The following MYO18A variants were observed in gnomAD, a reference collection of about 807,000 sequenced individuals.
MYO18A encodes the protein myosin XVIIIA.
A neutral mutation model predicts 235.8 loss-of-function variants in MYO18A; 78 were observed. That is an observed-to-expected ratio of 0.33 (90% CI 0.28 to 0.40). The LOEUF (loss-of-function observed/expected upper bound fraction) is 0.40, where lower values mean the gene tolerates loss of function less well. MYO18A is among the 10% of genes least tolerant of loss of function. The pLI, the probability that MYO18A is intolerant of heterozygous loss-of-function variation, is 1.00. For synonymous variants in MYO18A, 977 were observed against 1,077.8 expected (o/e 0.91, Z 1.83); for missense variants, 2,215 against 2,699.3 (o/e 0.82, Z 3.98).
chr17:29,140,279 T>G lies in MYO18A; in HGVS notation c.1000-18026A>C. The G allele has an allele frequency of 1.9e-4, 210 of 1,124,352 alleles. No individual in the cohort carries two copies. The highest frequency in any genetic ancestry group is 2.5e-4 in the Middle Eastern group (1 of 4,010). 69.6% of individuals were successfully genotyped at this position (1,124,352 alleles called of 1,614,324 possible). A position where few individuals can be genotyped will look rare whatever the true frequency, so the allele number is the denominator to read the frequency against. On this transcript the variant is annotated intron_variant, in intron 2 of 41. Coordinates refer to ENST00000527372, the MANE Select transcript of MYO18A (RefSeq NM_078471.4). The surrounding 1 kb of genome is among the most constrained non-coding windows in gnomAD (Gnocchi z 4.2). ...ACAAAAAGGTCCCTCCTTTCCTAAA[T>G]GAGGAAATAGCATGAGGAGCCTGGG...
rs531004927 is a variant in MYO18A at position 29,120,091 on chromosome 17, C to A, written c.1728+525G>T. On this transcript the variant is annotated intron_variant, in intron 7 of 41. Coordinates refer to ENST00000527372, the MANE Select transcript of MYO18A (RefSeq NM_078471.4). This position sits in a 1 kb window ranked among gnomAD's most constrained non-coding sequence, Gnocchi z 4.2. ...CAAGGTGCTCAATCAGATACCAGAT[C>A]CCTCTAGGATCAAATGGGGGACAGA... is the stretch of plus-strand genomic sequence containing the variant. Among the ~76,000 whole-genome samples the A allele has an allele frequency of 1.3e-5, 2 of 152,138 alleles. No individual in the cohort carries two copies. Among genetic ancestry groups the A allele is most frequent in the South Asian group, 2.1e-4 (1 of 4,828 alleles).
At chr17:29,134,703 A>G (rs2152907615) in intron 2 of MYO18A, among the ~76,000 whole-genome samples, 1 of 151,892 alleles carries the variant, frequency 6.6e-6, no homozygotes, top group African/African-American at 2.4e-5. Flanking sequence ...CTGTATTTTT[A>G]GTAGAGACGG....
In MYO18A at chr17:29,121,702, G is replaced by A. The variant is rs538047661; in HGVS notation, c.1216C>T (p.Arg406Cys). The A allele has an allele frequency of 1.6e-5, 25 of 1,565,508 alleles. No homozygotes were observed. Among genetic ancestry groups the A allele is most frequent in the Middle Eastern group, 1.7e-4 (1 of 6,012 alleles). ...ACCAGTGAGGCCAGATCCTCCAGACGGTCGCAGGAGGGAGCATTAGCCTGT... is the reference window on the plus strand; with the variant it reads ...ACCAGTGAGGCCAGATCCTCCAGACAGTCGCAGGAGGGAGCATTAGCCTGT... ...VEKANAPSCD[R>C]LEDLASLVYL... Residue 406 changes from arginine to cysteine, a missense_variant, in exon 5 of 42, where the codon CGT becomes TGT. Physicochemically the swap from Arg to Cys is radical, Grantham distance 180. Coordinates refer to ENST00000527372, the MANE Select transcript of MYO18A (RefSeq NM_078471.4). This position sits in a 1 kb window ranked among gnomAD's most constrained non-coding sequence, Gnocchi z 4.2.
chr17:29,079,057 G>T (rs867905799), intron 41 of MYO18A, among the ~76,000 whole-genome samples: 1 of 152,190 alleles, frequency 6.6e-6, no homozygotes, highest in Non-Finnish European at 1.5e-5. Flanking sequence ...AGGTAGCTTT[G>T]TGGGGGCAGG....
intron 2 of MYO18A, among the ~76,000 whole-genome samples, chr17:29,130,927 G>C (rs917773891): frequency 6.6e-5 from 10 of 152,174 alleles, no homozygotes; most frequent in Non-Finnish European, 1.5e-4. Context: ...CTACAGTGAA[G>C]TCCCTCCATG....
At chr17:29,084,501 C>T (rs547470105) in intron 40 of MYO18A, among the ~76,000 whole-genome samples, 48 of 152,234 alleles carry the variant, frequency 3.2e-4, no homozygotes, top group Admixed American at 3.1e-3. Flanking sequence ...GCTCAGAGGG[C>T]AGTTGAAATT....
chr17:29,153,843 A>T (rs2068006196), intron 2 of MYO18A, among the ~76,000 whole-genome samples: 1 of 152,002 alleles, frequency 6.6e-6, no homozygotes, highest in South Asian at 2.1e-4. Flanking sequence ...AGGGTAGAGG[A>T]CCCTTTATAA....
Position 29,126,918 on chromosome 17 carries a change from T to C in MYO18A, c.1000-4665A>G, listed in dbSNP as rs2067335267. On this transcript the variant is annotated intron_variant, in intron 2 of 41. Coordinates refer to ENST00000527372, the MANE Select transcript of MYO18A (RefSeq NM_078471.4). The surrounding 1 kb of genome is among the most constrained non-coding windows in gnomAD (Gnocchi z 4.1). ...CCCCTATATCCCAAGGGGCCCACTG[T>C]ACCCATCTGCCATCCAAGCACAGGG... 2.6e-5 allele frequency among the ~76,000 whole-genome samples: 4 copies of C among 152,188 alleles called. No homozygotes were observed. In the South Asian group the frequency reaches 8.3e-4, roughly 31 times the overall value.
chr17:29,154,133 C>CGCGCGCGCGCGCGCGT (rs2037878593), intron 2 of MYO18A, among the ~76,000 whole-genome samples: 4 of 111,016 alleles, frequency 3.6e-5, no homozygotes, highest in African/African-American at 1.3e-4. Context: ...CGCGCGCGTG[C>CGCGCGCGCGCGCGCGT]GTGTGTATGT....
Position 29,074,265 on chromosome 17 carries a change from GTGA to G in MYO18A, c.*502_*504del. The stretch of plus-strand genomic sequence containing the variant: ...CCCTCCCACTCTCAGGGATGCAGCT[GTGA>G]TGGAGAGGTTGGGTATTTAAATTAA... On this transcript the variant is annotated 3_prime_UTR_variant, in exon 42 of 42. Coordinates refer to ENST00000527372, the MANE Select transcript of MYO18A (RefSeq NM_078471.4). This position sits in a 1 kb window ranked among gnomAD's most constrained non-coding sequence, Gnocchi z 4.4. 1 of 1,396,210 alleles carries G rather than the reference GTGA, an allele frequency of 7.2e-7. No individual in the cohort carries two copies. Among genetic ancestry groups the G allele is most frequent in the South Asian group, 1.4e-5 (1 of 72,192 alleles). The allele number at this position is 1,396,210 out of a possible 1,614,324, so 86.5% of individuals were successfully genotyped here.
At position 29,103,624 on chromosome 17, in the gene MYO18A, C is replaced by T; in HGVS notation, c.3482G>A (p.Ser1161Asn). The T allele has an allele frequency of 6.2e-7, 1 of 1,613,916 alleles. No homozygotes were observed. Among genetic ancestry groups the T allele is most frequent in the Non-Finnish European group, 8.5e-7 (1 of 1,179,888 alleles). ...CCGGCTCAGGCCCATGCAGCAGCTGCTCTTCTCCAGATCCAAGCACTCCAG... is the reference window on the plus strand; with the variant it reads ...CCGGCTCAGGCCCATGCAGCAGCTGTTCTTCTCCAGATCCAAGCACTCCAG... ...ELLECLDLEK[S>N]SCCMGLSRVF... Residue 1161 changes from serine (S) to asparagine (N), a missense_variant, in exon 21 of 42, where the codon AGC (serine) becomes AAC (asparagine). Transcript: ENST00000527372.
Position 29,130,785 on chromosome 17 carries a change from C to T in MYO18A, c.1000-8532G>A, listed in dbSNP as rs184023235. Among the ~76,000 whole-genome samples the T allele has an allele frequency of 5.7e-3, 862 of 152,248 alleles. 6 individuals carry two copies. Among genetic ancestry groups the T allele is most frequent in the Non-Finnish European group, 9.4e-3 (638 of 68,004 alleles). On this transcript the variant is annotated intron_variant, in intron 2 of 41. Transcript: ENST00000527372. The stretch of plus-strand genomic sequence containing the variant: ...ATTCAGAAACCTAAGGCTATTCTTG[C>T]CTTAGGAGAGTCCAGGTTTATTCAG...
Position 29,121,045 on chromosome 17 carries a change from T to C in MYO18A, c.1538A>G (p.Gln513Arg). The C allele has an allele frequency of 1.2e-6, 2 of 1,613,096 alleles. No individual in the cohort carries two copies. Among genetic ancestry groups the C allele is most frequent in the Non-Finnish European group, 1.7e-6 (2 of 1,179,592 alleles). The change falls in exon 6 of 42, where the codon CAG becomes CGG. Residue 513 changes from glutamine (Q) to arginine (R), a missense_variant. Gln to Arg is a conservative substitution (Grantham distance 43, BLOSUM62 1). Transcript: ENST00000527372. The surrounding 1 kb of genome is among the most constrained non-coding windows in gnomAD (Gnocchi z 4.2). ...GKTTSCQHLV[Q>R]YLATIAGISG... ...GATGCCCGCGATGGTGGCCAGGTACTGCACCAGATGCTGGCAGCTGGTGGT... is the reference window on the plus strand; with the variant it reads ...GATGCCCGCGATGGTGGCCAGGTACCGCACCAGATGCTGGCAGCTGGTGGT...
rs140270678 is a variant in MYO18A at position 29,129,827 on chromosome 17, G to A, written c.1000-7574C>T. Among the ~76,000 whole-genome samples the A allele has an allele frequency of 4.2e-4, 64 of 152,306 alleles. 1 individual carries two copies. The East Asian group carries it at 0.012, about 28-fold the overall frequency. On this transcript the variant is annotated intron_variant, in intron 2 of 41. Coordinates refer to ENST00000527372, the MANE Select transcript of MYO18A (RefSeq NM_078471.4). ...TAGGCCCTGGTTACAGGTTGGCTCC[G>A]CTGAAGGGATAGAGAGAGTAAGGGC...
Position 29,074,051 on chromosome 17 carries a change from T to C in MYO18A, c.*719A>G. ...TGCGGATGGTCCACACACACACTTG[T>C]CTGCGTAGGCTTGCTCAACCCAGCC... On this transcript the variant is annotated 3_prime_UTR_variant, in exon 42 of 42. Coordinates refer to ENST00000527372, the MANE Select transcript of MYO18A (RefSeq NM_078471.4). This position sits in a 1 kb window ranked among gnomAD's most constrained non-coding sequence, Gnocchi z 4.4. 6.2e-7 allele frequency: 1 copy of C among 1,613,940 alleles called. No homozygotes were observed. The highest frequency in any genetic ancestry group is 1.1e-5 in the South Asian group (1 of 91,074).
rs1297571900 is a variant in MYO18A, at chr17:29,126,260, G to T, written c.1000-4007C>A. ...CAGGTGACAGGTGGCTAAACTCCAG[G>T]TCAGGGCATGTCTCAGCTCCCATCT... On this transcript the variant is annotated intron_variant, in intron 2 of 41. Coordinates refer to ENST00000527372, the MANE Select transcript of MYO18A (RefSeq NM_078471.4). This position sits in a 1 kb window ranked among gnomAD's most constrained non-coding sequence, Gnocchi z 4.1. Among the ~76,000 whole-genome samples the T allele has an allele frequency of 6.6e-6, 1 of 151,662 alleles. No homozygotes were observed. Among genetic ancestry groups the T allele is most frequent in the East Asian group, 1.9e-4 (1 of 5,170 alleles).
rs1598310748 is a variant in MYO18A, at chr17:29,106,180, G to C, written c.3441+900C>G. ...TTGGAGCTGGGGCATTTCCAGAGCT[G>C]ATGAGGTACTGGTGTAGCCACAGGT... On this transcript the variant is annotated intron_variant, in intron 20 of 41. Coordinates refer to ENST00000527372, the MANE Select transcript of MYO18A (RefSeq NM_078471.4). The surrounding 1 kb of genome is among the most constrained non-coding windows in gnomAD (Gnocchi z 4.6). Among the ~76,000 whole-genome samples the C allele has an allele frequency of 1.3e-5, 2 of 152,272 alleles. No individual in the cohort carries two copies.
chr17:29,082,687 A>C (rs1274111187), intron 40 of MYO18A, among the ~76,000 whole-genome samples: 1 of 152,000 alleles, frequency 6.6e-6, no homozygotes, highest in Admixed American at 6.5e-5. Context: ...GCAGCTCCCA[A>C]GCCAGTTATC....
At chr17:29,163,469 T>C (rs1428723588) in intron 2 of MYO18A, among the ~76,000 whole-genome samples, 3 of 152,224 alleles carry the variant, frequency 2.0e-5, no homozygotes, top group Non-Finnish European at 2.9e-5. Context: ...GGTTTGCTAC[T>C]GTGTCCTCTG....
Sources: allele counts gnomAD v4.1 joint callset (sites outside exome capture counted in the v4.1 genomes callset), GRCh38; gene constraint gnomAD v4.1.1; non-coding constraint Gnocchi (gnomAD v3.1); transcripts MANE v1.5; gene names NCBI Gene and HGNC (gene_info 2026-07-23, HGNC 2026-07-21).